DAB1: variants seen among roughly 807,000 people sequenced by gnomAD.
DAB1 encodes the protein disabled homolog 1.
Under a neutral mutation model 64.6 loss-of-function variants are expected in DAB1, and 15 were observed. The observed-to-expected ratio is 0.23, with a 90% confidence interval of 0.16 to 0.36. DAB1 has a LOEUF of 0.36. DAB1 is among the 10% of genes least tolerant of loss of function. The probability of loss-of-function intolerance (pLI) is 1.00; values close to 1 mark genes in which losing one functional copy is unlikely to be tolerated. For synonymous variants in DAB1, 235 were observed against 251.9 expected, an observed-to-expected ratio of 0.93 and a Z score of 0.64; for missense variants, 596 against 706.7, an observed-to-expected ratio of 0.84 and a Z score of 1.78.
At position 57,298,400 on chromosome 1, in the gene DAB1, T is replaced by C. The variant is rs1226186864; in HGVS notation, c.-136-7234A>G. On this transcript the variant is annotated intron_variant, in intron 1 of 14. Transcript: ENST00000371236. ...CATTGCAGCAGATGTACAATCATCATCTACTTTACCAAAACTTTCAAGAAA... is the reference window on the plus strand; with the variant it reads ...CATTGCAGCAGATGTACAATCATCACCTACTTTACCAAAACTTTCAAGAAA... Among the ~76,000 whole-genome samples, 4 of 152,212 alleles carry C rather than the reference T, an allele frequency of 2.6e-5. No individual in the cohort carries two copies. The East Asian group carries it at 7.7e-4, about 29-fold the overall frequency.
intron 1 of DAB1, among the ~76,000 whole-genome samples, chr1:57,845,192 C>T (rs535648712): frequency 1.3e-5 from 2 of 152,074 alleles, no homozygotes; most frequent in African/African-American, 2.4e-5. Context: ...TGAGGCTGTG[C>T]GAGGGAGGAA....
intron 5 of DAB1, among the ~76,000 whole-genome samples, chr1:58,062,159 A>G (rs112661524): frequency 3.3e-5 from 5 of 152,198 alleles, no homozygotes; most frequent in African/African-American, 1.2e-4. Flanking sequence ...CTGCCCTCCA[A>G]TAACACTCGC....
chr1:57,592,202 G>A (rs1645453443), intron 7 of DAB1, among the ~76,000 whole-genome samples: 1 of 152,170 alleles, frequency 6.6e-6, no homozygotes, highest in African/African-American at 2.4e-5. Context: ...AGGAGAAAGA[G>A]CACTCATTTT....
At chr1:57,029,139 G>T (rs1333738694) in intron 9 of DAB1, among the ~76,000 whole-genome samples, 2 of 152,180 alleles carry the variant, frequency 1.3e-5, no homozygotes, top group African/African-American at 4.8e-5. Flanking sequence ...ACAGTCTAGG[G>T]ACTTGGTGCC....
At chr1:57,979,836 T>G (rs1054358350) in intron 5 of DAB1, among the ~76,000 whole-genome samples, 1 of 152,192 alleles carries the variant, frequency 6.6e-6, no homozygotes, top group Non-Finnish European at 1.5e-5. Context: ...CCTAATTCCT[T>G]CTTTAGATCC....
intron 1 of DAB1, among the ~76,000 whole-genome samples, chr1:57,393,017 C>A (rs1029432698): frequency 2.6e-5 from 4 of 152,116 alleles, no homozygotes; most frequent in Non-Finnish European, 5.9e-5. Flanking sequence ...CAATGTGTGA[C>A]CTTTTTCAAA....
chr1:58,458,105 A>G (rs1473647774), intron 3 of DAB1, among the ~76,000 whole-genome samples: 7 of 152,234 alleles, frequency 4.6e-5, no homozygotes, highest in Admixed American at 2.0e-4. Context: ...TGCCCAACAC[A>G]GTGGTCACAA....
chr1:57,061,321 G>C lies in DAB1; in HGVS notation c.723+1563C>G, dbSNP rs564418038. Among the ~76,000 whole-genome samples the C allele has an allele frequency of 4.6e-5, 7 of 152,172 alleles. No homozygotes were observed. In the East Asian group the frequency reaches 1.2e-3, roughly 25 times the overall value. ...GTTTCACTAAACGAAAAGGGAGAAG[G>C]GGGCAGGCAAGGATGAGAATCTACC... On this transcript the variant is annotated intron_variant, in intron 9 of 14. Coordinates refer to ENST00000371236, the MANE Select transcript of DAB1 (RefSeq NM_001365792.1).
chr1:58,392,015 T>C (rs774328328), intron 3 of DAB1, among the ~76,000 whole-genome samples: 1 of 152,196 alleles, frequency 6.6e-6, no homozygotes, highest in Admixed American at 6.5e-5. Context: ...TGAAGGAATA[T>C]GCGTAGCCAG....
At chr1:57,654,091 TA>T (rs1185826967) in intron 6 of DAB1, among the ~76,000 whole-genome samples, 1 of 152,246 alleles carries the variant, frequency 6.6e-6, no homozygotes, top group African/African-American at 2.4e-5. Flanking sequence ...AATAGTGAGA[TA>T]GAACATTCTT....
intron 3 of DAB1, among the ~76,000 whole-genome samples, chr1:58,354,057 T>C (rs998079316): frequency 1.3e-5 from 2 of 152,132 alleles, no homozygotes; most frequent in Non-Finnish European, 2.9e-5. Context: ...GGCTCTAGTA[T>C]GCCCCAGATG....
intron 5 of DAB1, among the ~76,000 whole-genome samples, chr1:57,954,143 T>C (rs1191780191): frequency 1.3e-5 from 2 of 152,170 alleles, no homozygotes; most frequent in Non-Finnish European, 2.9e-5. Context: ...AGTTCGGATG[T>C]ATTGGCCATA....
intron 7 of DAB1, among the ~76,000 whole-genome samples, chr1:57,439,418 G>GTTTTTTC (rs1333506386): frequency 9.5e-5 from 11 of 116,136 alleles, no homozygotes; most frequent in Non-Finnish European, 1.5e-4. Flanking sequence ...TGGTGATGAG[G>GTTTTTTC]TTTTTTCTTT....
At chr1:58,294,865 C>CGGGTGTGTGTGT (rs1661931411) in intron 4 of DAB1, among the ~76,000 whole-genome samples, 1 of 137,634 alleles carries the variant, frequency 7.3e-6, no homozygotes. Flanking sequence ...TGGTCCAGAA[C>CGGGTGTGTGTGT]GTGTGTGTGT....
At chr1:58,237,136 T>G (rs967104270) in intron 4 of DAB1, among the ~76,000 whole-genome samples, 1 of 152,190 alleles carries the variant, frequency 6.6e-6, no homozygotes, top group African/African-American at 2.4e-5. Flanking sequence ...GTAATGTTAA[T>G]GCAGGAGGAG....
intron 5 of DAB1, among the ~76,000 whole-genome samples, chr1:58,080,448 G>C (rs573207590): frequency 1.3e-5 from 2 of 152,324 alleles, no homozygotes; most frequent in South Asian, 2.1e-4. Context: ...TTATGCCCAA[G>C]GGACAGAAAA....
chr1:58,491,843 T>C (rs1272647067), intron 3 of DAB1, among the ~76,000 whole-genome samples: 1 of 152,192 alleles, frequency 6.6e-6, no homozygotes, highest in East Asian at 1.9e-4. Flanking sequence ...ACTGTTAACA[T>C]TAGACAGATC....
chr1:57,901,537 C>A (rs1202839), intron 5 of DAB1, among the ~76,000 whole-genome samples: 26,349 of 152,136 alleles, frequency 0.17, 2,687 homozygotes, highest in Admixed American at 0.27. Flanking sequence ...CTCACTGCTA[C>A]AAATAAATAC....
chr1:57,778,368 T>C lies in DAB1; in HGVS notation n.551+105631A>G, dbSNP rs533214711. 1.3e-4 allele frequency among the ~76,000 whole-genome samples: 19 copies of C among 151,896 alleles called. 1 individual carries two copies. The highest frequency in any genetic ancestry group is 6.8e-3 in the Middle Eastern group (2 of 294). On this transcript the variant is annotated intron_variant and non_coding_transcript_variant, in intron 6 of 20. Transcript: ENST00000485760. ...CAGCTCTTCAGTTTGCCATCCCTGCTTGATATACACCTCCCTCTGCTGCAA... is the reference window on the plus strand; with the variant it reads ...CAGCTCTTCAGTTTGCCATCCCTGCCTGATATACACCTCCCTCTGCTGCAA...
Sources: gnomAD v4.1 joint callset for allele counts (sites outside exome capture counted in the v4.1 genomes callset) on GRCh38, gnomAD v4.1.1 for gene constraint, MANE v1.5 for transcripts, NCBI Gene and HGNC (gene_info 2026-07-23, HGNC 2026-07-21) for gene names.